The following CDC5L variants were observed in gnomAD, a reference collection of about 807,000 sequenced individuals.
CDC5L encodes the protein cell division cycle 5-like protein.
Under a neutral mutation model 104.1 loss-of-function variants are expected in CDC5L, and 18 were observed. That is an observed-to-expected ratio of 0.17 (90% CI 0.12 to 0.26). The LOEUF is 0.26. CDC5L is among the 10% of genes least tolerant of loss of function. The pLI is 1.00. For missense variants in CDC5L, 673 were observed against 956.9 expected, an observed-to-expected ratio of 0.70 and a Z score of 3.91; for synonymous variants, 331 against 322.7, an observed-to-expected ratio of 1.03 and a Z score of -0.28.
At chr6:44,441,582 G>T (rs1306434674) in intron 14 of CDC5L, among the ~76,000 whole-genome samples, 1 of 152,186 alleles carries the variant, frequency 6.6e-6, no homozygotes, top group African/African-American at 2.4e-5. Context: ...CACCAACAGT[G>T]AACAGGGGTT....
chr6:44,419,446 C>G lies in CDC5L; in HGVS notation c.1093-3C>G. The G allele has an allele frequency of 6.2e-7, 1 of 1,611,438 alleles. No homozygotes were observed. The highest frequency in any genetic ancestry group is 8.5e-7 in the Non-Finnish European group (1 of 1,179,276). ...CTTGCTTCTTTGTCTTCTTGTTAAT[C>G]AGGAAGCCCAGAACCTCATGGCCCT... On this transcript the variant is annotated splice_region_variant and splice_polypyrimidine_tract_variant and intron_variant, in intron 8 of 15. Coordinates refer to ENST00000371477, the MANE Select transcript of CDC5L (RefSeq NM_001253.4).
At chr6:44,408,401 C>T (rs571565932) in intron 7 of CDC5L, 43 bp from the exon 8 acceptor site, 2 of 1,490,354 alleles carry the variant, frequency 1.3e-6, no homozygotes, top group African/African-American at 1.4e-5. Context: ...TGTGCCCGGC[C>T]TCAGTTAAAA....
At chr6:44,396,254 A>T in intron 4 of CDC5L, 87 bp from the exon 5 acceptor site, 1 of 713,794 alleles carries the variant, frequency 1.4e-6, no homozygotes, top group African/African-American at 1.8e-5. Context: ...TCTCATTTTG[A>T]GCAATAGAGT....
chr6:44,399,411 T>A (rs1472100718), intron 5 of CDC5L, among the ~76,000 whole-genome samples: 2 of 152,224 alleles, frequency 1.3e-5, no homozygotes, highest in Non-Finnish European at 2.9e-5. Flanking sequence ...TCAGCCATTA[T>A]ATATCTTCAA....
chr6:44,393,672 C>CTTT, intron 4 of CDC5L, 99 bp downstream of exon 4: 1 of 1,091,454 alleles, frequency 9.2e-7, no homozygotes, highest in Non-Finnish European at 1.3e-6. Context: ...TTTAGAATCC[C>CTTT]TTTTTTTTTT....
intron 1 of CDC5L, among the ~76,000 whole-genome samples, chr6:44,388,160 C>A (rs961881516): frequency 7.9e-6 from 1 of 127,354 alleles, no homozygotes; most frequent in African/African-American, 3.0e-5. Context: ...CCCCCCCGCC[C>A]CCCCCGGCCC....
intron 5 of CDC5L, among the ~76,000 whole-genome samples, chr6:44,400,849 G>A (rs910989716): frequency 6.6e-6 from 1 of 152,184 alleles, no homozygotes; most frequent in African/African-American, 2.4e-5. Context: ...GCTGTTTACT[G>A]TGTTGTTTTC....
intron 5 of CDC5L, among the ~76,000 whole-genome samples, chr6:44,399,561 G>T (rs569697996): frequency 2.0e-5 from 3 of 152,046 alleles, no homozygotes; most frequent in Non-Finnish European, 4.4e-5. Flanking sequence ...TTGCATAATT[G>T]TTACTGCTCT....
chr6:44,423,635 G>A (rs1156289170), intron 10 of CDC5L, among the ~76,000 whole-genome samples: 1 of 152,146 alleles, frequency 6.6e-6, no homozygotes, highest in African/African-American at 2.4e-5. Context: ...AAGCATGGAG[G>A]ATGTTTTAGA....
In CDC5L at chr6:44,447,948, A is replaced by G. The variant is rs960067760; in HGVS notation, c.*1237A>G. 19 of 152,130 alleles carry G rather than the reference A, an allele frequency of 1.2e-4. No homozygotes were observed. The highest frequency in any genetic ancestry group is 4.6e-4 in the African/African-American group (19 of 41,432). 9.4% of individuals were successfully genotyped at this position (152,130 alleles called of 1,614,324 possible). A position where few individuals can be genotyped will look rare whatever the true frequency, so the allele number is the denominator to read the frequency against. ...GTTTTAGATTCTGTGGAGGAAATTA[A>G]AGTAGGGTGATTATGAGATAGTGAA... On this transcript the variant is annotated 3_prime_UTR_variant, in exon 16 of 16. Coordinates refer to ENST00000371477, the MANE Select transcript of CDC5L (RefSeq NM_001253.4).
At chr6:44,415,455 C>T (rs1481873000) in intron 8 of CDC5L, among the ~76,000 whole-genome samples, 1 of 152,118 alleles carries the variant, frequency 6.6e-6, no homozygotes, top group African/African-American at 2.4e-5. Context: ...ATTTCTGTTT[C>T]ATGTTCTAAG....
intron 9 of CDC5L, among the ~76,000 whole-genome samples, chr6:44,420,620 A>C (rs939815254): frequency 6.6e-6 from 1 of 152,100 alleles, no homozygotes; most frequent in African/African-American, 2.4e-5. Flanking sequence ...GGCCTCCCAT[A>C]GTGCTGGTAT....
At chr6:44,441,089 T>C (rs1793164615) in intron 14 of CDC5L, among the ~76,000 whole-genome samples, 1 of 152,262 alleles carries the variant, frequency 6.6e-6, no homozygotes, top group African/African-American at 2.4e-5. Context: ...CAGAACCTAT[T>C]CTTCCGTCTA....
intron 6 of CDC5L, among the ~76,000 whole-genome samples, chr6:44,404,701 ATTTTTT>A (rs550683750): frequency 3.4e-5 from 5 of 148,576 alleles, no homozygotes; most frequent in Admixed American, 3.4e-4. Flanking sequence ...TTAAAAAACA[ATTTTTT>A]TTTTTAAGAC....
chr6:44,438,564 A>G (rs1273509282), intron 14 of CDC5L, among the ~76,000 whole-genome samples: 2 of 152,194 alleles, frequency 1.3e-5, no homozygotes, highest in Non-Finnish European at 2.9e-5. Context: ...ACTGGCGTAA[A>G]AAGACATACT....
chr6:44,396,469 A>C, intron 5 of CDC5L, 29 bp downstream of exon 5: 1 of 1,429,736 alleles, frequency 7.0e-7, no homozygotes, highest in Non-Finnish European at 9.8e-7. Flanking sequence ...ATAAAAAGCA[A>C]AGTGTTTTTC....
At chr6:44,398,834 ATG>A (rs1790990315) in intron 5 of CDC5L, among the ~76,000 whole-genome samples, 1 of 152,254 alleles carries the variant, frequency 6.6e-6, no homozygotes, top group Admixed American at 6.5e-5. Flanking sequence ...ATGTGCATTT[ATG>A]TGTATATATG....
At chr6:44,397,073 T>C (rs925649950) in intron 5 of CDC5L, among the ~76,000 whole-genome samples, 1 of 152,230 alleles carries the variant, frequency 6.6e-6, no homozygotes, top group African/African-American at 2.4e-5. Context: ...TCATTGGCCA[T>C]TGCTTATCAA....
chr6:44,434,397 T>C (rs905913618), intron 14 of CDC5L, among the ~76,000 whole-genome samples: 1 of 152,180 alleles, frequency 6.6e-6, no homozygotes, highest in Non-Finnish European at 1.5e-5. Context: ...GACCTGCGTC[T>C]CATCAGAGTA....
Sources: allele counts gnomAD v4.1 joint callset (sites outside exome capture counted in the v4.1 genomes callset), GRCh38; gene constraint gnomAD v4.1.1; transcripts MANE v1.5; gene names NCBI Gene and HGNC (gene_info 2026-07-23, HGNC 2026-07-21).